Variants in P2RX1 observed in about 807,000 individuals in gnomAD.
P2RX1 encodes the protein purinergic receptor P2X 1, also known as P2X purinoceptor 1.
P2RX1 carries 42 observed loss-of-function variants against 50.3 expected under a neutral mutation model. The observed-to-expected ratio is 0.83, with a 90% CI of 0.65 to 1.08. P2RX1 has a LOEUF of 1.08. P2RX1 is among the 50% of genes least tolerant of loss of function. The probability of loss-of-function intolerance (pLI) is 0.00; values close to 1 mark genes in which losing one functional copy is unlikely to be tolerated. For missense variants in P2RX1, 449 were observed against 529.0 expected (o/e 0.85, Z 1.48); for synonymous variants, 199 against 202.6 (o/e 0.98, Z 0.15).
In P2RX1 at chr17:3,901,789, C is replaced by T. The variant is rs138086951; in HGVS notation, c.747+1413G>A. Reference sequence around the variant, plus strand: ...CAGGCAGCGAGGCACGCCAGGCACACGGCGTCAACTCTGCCAGGTGTATAG... The same window carrying T: ...CAGGCAGCGAGGCACGCCAGGCACATGGCGTCAACTCTGCCAGGTGTATAG... On this transcript the variant is annotated intron_variant, in intron 7 of 11. Transcript: ENST00000225538. Among the ~76,000 whole-genome samples, 582 of 152,070 alleles carry T rather than the reference C, an allele frequency of 3.8e-3. 5 individuals carry two copies. Among genetic ancestry groups the T allele is most frequent in the African/African-American group, 0.013 (550 of 41,506 alleles).
rs185009352 is a variant in P2RX1 at position 3,898,959 on chromosome 17, C to T, written c.941G>A (p.Arg314His). Reference sequence around the variant, plus strand: ...CTTGCCGTCCACCAGGATGTCAAAGCGAATCCCAAACACCTTGAAGAGGTG... The same window carrying T: ...CTTGCCGTCCACCAGGATGTCAAAGTGAATCCCAAACACCTTGAAGAGGTG... ...YRHLFKVFGI[R>H]FDILVDGKAG... The change falls in exon 9 of 12, where the codon CGC (arginine) becomes CAC (histidine). Residue 314 changes from arginine to histidine, a missense_variant. Arg to His is a conservative substitution (Grantham distance 29, BLOSUM62 0). Transcript: ENST00000225538. 6.9e-5 allele frequency: 111 copies of T among 1,613,752 alleles called. No individual in the cohort carries two copies. Among genetic ancestry groups the T allele is most frequent in the African/African-American group, 4.9e-4 (37 of 74,964 alleles).
rs2056417600 is a variant in P2RX1 at position 3,914,542 on chromosome 17, G to A, written c.137+1547C>T. Reference sequence around the variant, plus strand: ...TAGGGAGCCGCAGGGGCAGAGAGAGGACAGCCTTCCCCCAGCCTCTTCCAG... The same window carrying A: ...TAGGGAGCCGCAGGGGCAGAGAGAGAACAGCCTTCCCCCAGCCTCTTCCAG... On this transcript the variant is annotated intron_variant, in intron 1 of 11. Coordinates refer to ENST00000225538, the MANE Select transcript of P2RX1 (RefSeq NM_002558.4). The surrounding 1 kb of genome is among the most constrained non-coding windows in gnomAD (Gnocchi z 4.1). 6.6e-6 allele frequency among the ~76,000 whole-genome samples: 1 copy of A among 152,126 alleles called. No homozygotes were observed. Among genetic ancestry groups the A allele is most frequent in the Non-Finnish European group, 1.5e-5 (1 of 68,008 alleles).
At chr17:3,904,595 A>G in intron 3 of P2RX1, 196 bp from the exon 4 acceptor site, 1 of 642,248 alleles carries the variant, frequency 1.6e-6, no homozygotes, top group Non-Finnish European at 2.7e-6. Context: ...GCTCATGCCC[A>G]GCTGCCCACT....
At position 3,897,436 on chromosome 17, in the gene P2RX1, C is replaced by T; in HGVS notation, c.*378G>A. ...ATTTTATTTTAGTTTAATTTAGTCACCTATGGTTACTGACTGCCACATCGG... is the reference window on the plus strand; with the variant it reads ...ATTTTATTTTAGTTTAATTTAGTCATCTATGGTTACTGACTGCCACATCGG... On this transcript the variant is annotated 3_prime_UTR_variant, in exon 12 of 12. Transcript: ENST00000225538. 1.7e-5 allele frequency: 6 copies of T among 351,118 alleles called. No individual in the cohort carries two copies. The highest frequency in any genetic ancestry group is 1.1e-5 in the Non-Finnish European group (2 of 183,448). 21.8% of individuals were successfully genotyped at this position (351,118 alleles called of 1,614,324 possible). A position where few individuals can be genotyped will look rare whatever the true frequency, so the allele number is the denominator to read the frequency against.
Position 3,898,729 on chromosome 17 carries a change from C to T in P2RX1, c.967-180G>A, listed in dbSNP as rs374742243. Among the ~76,000 whole-genome samples the T allele has an allele frequency of 1.1e-4, 17 of 152,328 alleles. No homozygotes were observed. The South Asian group carries it at 3.5e-3, about 32-fold the overall frequency. ...GGGTTTTGACCTTGGCTCTGCCTCC[C>T]TGAGCGCAAGGAGACTGTGGGGAGG... is the stretch of plus-strand genomic sequence containing the variant. On this transcript the variant is annotated intron_variant, in intron 9 of 11. Transcript: ENST00000225538.
rs368570846 is a variant in P2RX1 at position 3,912,243 on chromosome 17, GC to G, written c.137+3845del. ...TCTTCATCCTGGAGGATCCAGCCGG[GC>G]CTGAAACCCACACTGATTTTTCAGT... On this transcript the variant is annotated intron_variant, in intron 1 of 11. Transcript: ENST00000225538. 1.3e-4 allele frequency among the ~76,000 whole-genome samples: 20 copies of G among 152,268 alleles called. 1 individual carries two copies. The highest frequency in any genetic ancestry group is 3.4e-3 in the Middle Eastern group (1 of 294).
At chr17:3,916,063 A>G in intron 1 of P2RX1, 26 bp downstream of exon 1, 1 of 1,612,690 alleles carries the variant, frequency 6.2e-7, no homozygotes, top group Non-Finnish European at 8.5e-7. Context: ...GGGCTGGTGC[A>G]GGCAGCGGGA....
rs1327592300 is a variant in P2RX1, at chr17:3,898,915, C to G, written c.966+19G>C. ...GAGAATGTGTCTCAGCTGCCACCAC[C>G]CTCACACTGGACACTCACCTTGCCG... is the stretch of plus-strand genomic sequence containing the variant. On this transcript the variant is annotated intron_variant, in intron 9 of 11. Coordinates refer to ENST00000225538, the MANE Select transcript of P2RX1 (RefSeq NM_002558.4). The G allele has an allele frequency of 1.3e-6, 2 of 1,594,774 alleles. No individual in the cohort carries two copies. The highest frequency in any genetic ancestry group is 2.2e-5 in the East Asian group (1 of 44,742).
intron 11 of P2RX1, 23 bp downstream of exon 11, chr17:3,897,986 C>T: frequency 6.2e-7 from 1 of 1,612,736 alleles, no homozygotes; most frequent in Non-Finnish European, 8.5e-7. Flanking sequence ...CTTCGAAGGG[C>T]CTGGCTCGGG....
At chr17:3,909,995 G>T (rs1470178501) in intron 1 of P2RX1, among the ~76,000 whole-genome samples, 24 of 109,458 alleles carry the variant, frequency 2.2e-4, no homozygotes, top group African/African-American at 4.8e-4. Context: ...TTTTTTTTGA[G>T]ACGGAGTCTC....
Position 3,915,383 on chromosome 17 carries a change from C to T in P2RX1, c.137+706G>A, listed in dbSNP as rs543229431. 10 of 447,138 alleles carry T rather than the reference C, an allele frequency of 2.2e-5. No homozygotes were observed. The East Asian group carries it at 6.3e-4, about 28-fold the overall frequency. 27.7% of individuals were successfully genotyped at this position (447,138 alleles called of 1,614,324 possible). A position where few individuals can be genotyped will look rare whatever the true frequency, so the allele number is the denominator to read the frequency against. ...AGGCACAGAGCTCCATATGCACACT[C>T]ACAAGTGTGCCAGCCTCTGCCAGGC... On this transcript the variant is annotated intron_variant, in intron 1 of 11. Transcript: ENST00000225538.
In P2RX1 at chr17:3,897,973, G is replaced by A. The variant is rs763476704; in HGVS notation, c.1134+36C>T. ...CCCCAACACAGACACAAGCGCCGGA[G>A]GCCTTCGAAGGGCCTGGCTCGGGGG... On this transcript the variant is annotated intron_variant, in intron 11 of 11. Transcript: ENST00000225538. 19 of 1,609,926 alleles carry A rather than the reference G, an allele frequency of 1.2e-5. 1 individual carries two copies. Among genetic ancestry groups the A allele is most frequent in the Non-Finnish European group, 1.6e-5 (19 of 1,176,354 alleles).
chr17:3,901,913 C>T (rs1393115774), intron 7 of P2RX1, among the ~76,000 whole-genome samples: 9 of 152,114 alleles, frequency 5.9e-5, no homozygotes, highest in African/African-American at 9.7e-5. Context: ...TATTGCCCCC[C>T]GTCGGTGGGT....
chr17:3,914,782 T>A lies in P2RX1; in HGVS notation c.137+1307A>T, dbSNP rs1272054132. Among the ~76,000 whole-genome samples, 1 of 152,164 alleles carries A rather than the reference T, an allele frequency of 6.6e-6. No homozygotes were observed. The highest frequency in any genetic ancestry group is 1.5e-5 in the Non-Finnish European group (1 of 68,024). ...TGCAACCCTGGGTTTGCTGCTGACT[T>A]GCTGTGGACCTGGAAACCCCACTGC... On this transcript the variant is annotated intron_variant, in intron 1 of 11. Transcript: ENST00000225538. This position sits in a 1 kb window ranked among gnomAD's most constrained non-coding sequence, Gnocchi z 4.1.
At chr17:3,909,976 T>C (rs1247068596) in intron 1 of P2RX1, among the ~76,000 whole-genome samples, 2 of 147,254 alleles carry the variant, frequency 1.4e-5, no homozygotes, top group African/African-American at 5.0e-5. Flanking sequence ...AATTCTTTTT[T>C]TTTTTTTTTT....
rs1381128289 is a variant in P2RX1 at position 3,897,777 on chromosome 17, C to G, written c.*37G>C. 2.5e-6 allele frequency: 4 copies of G among 1,599,210 alleles called. No homozygotes were observed. Among genetic ancestry groups the G allele is most frequent in the Admixed American group, 1.7e-5 (1 of 59,786 alleles). On this transcript the variant is annotated 3_prime_UTR_variant, in exon 12 of 12. Transcript: ENST00000225538. ...ACCCACCAGGGCTCCAGGCTGAAGC[C>G]TCACGCTGCACCCAGTCAGGAGTTG... is the stretch of plus-strand genomic sequence containing the variant.
chr17:3,909,918 C>T (rs553150210), intron 1 of P2RX1, among the ~76,000 whole-genome samples: 17 of 151,764 alleles, frequency 1.1e-4, no homozygotes, highest in Non-Finnish European at 1.8e-4. Flanking sequence ...AGTCAAACCA[C>T]GCTAAGTCCA....
At chr17:3,908,827 G>A (rs1397093663) in intron 1 of P2RX1, among the ~76,000 whole-genome samples, 1 of 152,212 alleles carries the variant, frequency 6.6e-6, no homozygotes, top group Non-Finnish European at 1.5e-5. Flanking sequence ...AGGGTCAGGT[G>A]CCAGCCCTGC....
At chr17:3,900,921 C>G (rs1020220909) in intron 7 of P2RX1, among the ~76,000 whole-genome samples, 16 of 152,098 alleles carry the variant, frequency 1.1e-4, no homozygotes, top group African/African-American at 2.9e-4. Flanking sequence ...CGAAGCTCCT[C>G]TGGGCGAGGC....
Sources: gnomAD v4.1 joint callset for allele counts (sites outside exome capture counted in the v4.1 genomes callset) on GRCh38, gnomAD v4.1.1 for gene constraint, Gnocchi (gnomAD v3.1) non-coding constraint, MANE v1.5 for transcripts, NCBI Gene and HGNC (gene_info 2026-07-23, HGNC 2026-07-21) for gene names.